Variants in JMJD1C observed in about 807,000 individuals in gnomAD.
JMJD1C encodes the protein jumonji domain-containing protein 1C.
JMJD1C carries 31 observed loss-of-function variants against 245.3 expected under a neutral mutation model. The ratio of observed to expected loss-of-function variants is 0.13; its 90% CI spans 0.09 to 0.17. The LOEUF (loss-of-function observed/expected upper bound fraction) is 0.17, where lower values mean the gene tolerates loss of function less well. Ranked by LOEUF, JMJD1C falls within the 10% of genes least tolerant of loss-of-function variation. JMJD1C has a pLI of 1.00. For synonymous variants in JMJD1C, 1,057 were observed against 1,017.4 expected, an observed-to-expected ratio of 1.04 and a Z score of -0.74; for missense variants, 2,691 against 3,000.2, an observed-to-expected ratio of 0.90 and a Z score of 2.41.
chr10:63,222,178 T>C (rs920367570), intron 3 of JMJD1C: 6 of 750,060 alleles, frequency 8.0e-6, no homozygotes, highest in Admixed American at 1.7e-5. Context: ...AGTTTATCGA[T>C]ATTGTTATCA....
At chr10:63,502,466 C>CGGGG (rs1564974466) in intron 1 of JMJD1C, among the ~76,000 whole-genome samples, 1 of 151,944 alleles carries the variant, frequency 6.6e-6, no homozygotes, top group African/African-American at 2.4e-5. Context: ...GTGAAACCCC[C>CGGGG]GTCTCTAATA....
intron 2 of JMJD1C, among the ~76,000 whole-genome samples, chr10:63,337,604 AAAAGAAAAGAAAAGAAAAG>A (rs2134206215): frequency 9.1e-6 from 1 of 109,922 alleles, no homozygotes; most frequent in East Asian, 2.2e-4. Context: ...AAAAGAAAAG[AAAAGAAAAGAAAAGAAAAG>A]AAAAAGAAAA....
chr10:63,412,250 T>A (rs1262744269), intron 1 of JMJD1C, among the ~76,000 whole-genome samples: 1 of 151,990 alleles, frequency 6.6e-6, no homozygotes, highest in African/African-American at 2.4e-5. Context: ...TTAACAAATA[T>A]TTTGTATGTC....
intron 3 of JMJD1C, among the ~76,000 whole-genome samples, chr10:63,255,297 T>C (rs568674600): frequency 3.9e-5 from 6 of 152,338 alleles, no homozygotes; most frequent in South Asian, 4.1e-4. Flanking sequence ...CATTCCCCTA[T>C]GCCATCTATC....
At chr10:63,227,195 A>G (rs1262477510) in intron 3 of JMJD1C, among the ~76,000 whole-genome samples, 1 of 152,224 alleles carries the variant, frequency 6.6e-6, no homozygotes, top group African/African-American at 2.4e-5. Context: ...AATATAAAAC[A>G]TAAGCTCAGA....
At chr10:63,194,408 A>G in intron 13 of JMJD1C, 33 bp from the exon 14 acceptor site, 1 of 1,315,614 alleles carries the variant, frequency 7.6e-7, no homozygotes, top group Non-Finnish European at 1.1e-6. Context: ...TATCACACTC[A>G]TGGTTTCATA....
At chr10:63,488,272 T>C (rs903891017) in intron 1 of JMJD1C, among the ~76,000 whole-genome samples, 1 of 152,194 alleles carries the variant, frequency 6.6e-6, no homozygotes, top group African/African-American at 2.4e-5. Flanking sequence ...TCAAACAAAG[T>C]GGTGATCCAT....
At chr10:63,349,253 CA>C (rs1386679848) in intron 2 of JMJD1C, among the ~76,000 whole-genome samples, 3 of 151,954 alleles carry the variant, frequency 2.0e-5, no homozygotes, top group African/African-American at 7.3e-5. Context: ...AACCATGAGC[CA>C]AAAAAACTTC....
At chr10:63,511,437 C>T (rs1223282340) in intron 1 of JMJD1C, among the ~76,000 whole-genome samples, 7 of 152,292 alleles carry the variant, frequency 4.6e-5, no homozygotes, top group East Asian at 1.9e-4. Context: ...TTTGGCTAGG[C>T]GTGGTGGCTC....
rs190873077 is a variant in JMJD1C, at chr10:63,313,933, C to T, written c.334-49169G>A. Among the ~76,000 whole-genome samples, 4 of 152,220 alleles carry T rather than the reference C, an allele frequency of 2.6e-5. 1 individual carries two copies. The South Asian group carries it at 6.2e-4, about 24-fold the overall frequency. ...TTGGCATGCAGAAGCTCTTTAAGTC[C>T]CACCTATTTATCTTTGTTTTTGTTG... On this transcript the variant is annotated intron_variant, in intron 2 of 25. Coordinates refer to ENST00000399262, the MANE Select transcript of JMJD1C (RefSeq NM_032776.3).
In JMJD1C at chr10:63,185,577, A is replaced by G. The variant is rs1844038059; in HGVS notation, c.6816T>C (p.Thr2272=). The part of the protein sequence containing the change: ...KDWPSGEDFK[T]MMPARYEDLL... ...AAGTTTCAAACCTTGCTGGCATCAT[A>G]GTCTTGAAGTCTTCTCCTGAAGGCC... Residue 2272 remains threonine, a synonymous_variant, in exon 20 of 26, where the codon ACT becomes ACC. Transcript: ENST00000399262. The G allele has an allele frequency of 1.3e-6, 2 of 1,591,028 alleles. No individual in the cohort carries two copies. The highest frequency in any genetic ancestry group is 2.2e-5 in the South Asian group (2 of 89,568).
chr10:63,249,583 G>A (rs554796603), intron 3 of JMJD1C, among the ~76,000 whole-genome samples: 20 of 151,948 alleles, frequency 1.3e-4, no homozygotes, highest in South Asian at 2.1e-4. Flanking sequence ...ATATTGGGCC[G>A]GGCACAGTGG....
chr10:63,521,516 C>G, intron 1 of JMJD1C: 1 of 1,406,976 alleles, frequency 7.1e-7, no homozygotes, highest in Non-Finnish European at 9.4e-7. Context: ...GCCCACCCGC[C>G]CCGGACGTGG....
At chr10:63,247,582 C>T (rs1368871763) in intron 3 of JMJD1C, among the ~76,000 whole-genome samples, 1 of 149,592 alleles carries the variant, frequency 6.7e-6, no homozygotes. Flanking sequence ...CTCTACAAAA[C>T]ATACAAAATG....
intron 1 of JMJD1C, among the ~76,000 whole-genome samples, chr10:63,384,003 T>C (rs1457438815): frequency 6.6e-6 from 1 of 152,180 alleles, no homozygotes; most frequent in East Asian, 1.9e-4. Context: ...GAACCTCTTT[T>C]GAAACTGGAG....
chr10:63,390,899 G>C (rs751785150), intron 1 of JMJD1C, among the ~76,000 whole-genome samples: 17 of 152,022 alleles, frequency 1.1e-4, no homozygotes, highest in Non-Finnish European at 2.2e-4. Context: ...TATTGAATGG[G>C]GAAAACTGAC....
chr10:63,234,028 T>C (rs1850343882), intron 3 of JMJD1C, among the ~76,000 whole-genome samples: 1 of 152,132 alleles, frequency 6.6e-6, no homozygotes, highest in African/African-American at 2.4e-5. Context: ...AATCTGACAG[T>C]TAAATATGAT....
intron 1 of JMJD1C, among the ~76,000 whole-genome samples, chr10:63,501,351 A>C (rs1184805284): frequency 6.6e-6 from 1 of 152,208 alleles, no homozygotes; most frequent in Non-Finnish European, 1.5e-5. Context: ...AAAGATACTG[A>C]TGTTAATCGT....
At chr10:63,276,455 G>A (rs1285084767) in intron 2 of JMJD1C, among the ~76,000 whole-genome samples, 1 of 118,886 alleles carries the variant, frequency 8.4e-6, no homozygotes, top group Admixed American at 9.2e-5. Context: ...GACAGAGTGA[G>A]ATTCCGTCTC....
Sources: gnomAD v4.1 joint callset for allele counts (sites outside exome capture counted in the v4.1 genomes callset) on GRCh38, gnomAD v4.1.1 for gene constraint, MANE v1.5 for transcripts, NCBI Gene and HGNC (gene_info 2026-07-23, HGNC 2026-07-21) for gene names.